The following RAPGEF6 variants were observed in gnomAD, a reference collection of about 807,000 sequenced individuals.
The protein encoded by RAPGEF6 is Rap guanine nucleotide exchange factor 6.
In RAPGEF6, 56 loss-of-function variants were observed where a neutral mutation model predicts 171.4. The ratio of observed to expected loss-of-function variants is 0.33; its 90% confidence interval spans 0.26 to 0.41. The LOEUF (loss-of-function observed/expected upper bound fraction) is 0.41, where lower values mean the gene tolerates loss of function less well. RAPGEF6 is among the 10% of genes least tolerant of loss of function. The pLI is 1.00. For missense variants in RAPGEF6, 1,674 were observed against 1,921.4 expected (o/e 0.87, Z 2.41); for synonymous variants, 692 against 650.1 (o/e 1.06, Z -0.98).
At chr5:131,520,574 G>T (rs1232155963) in intron 7 of RAPGEF6, among the ~76,000 whole-genome samples, 1 of 152,046 alleles carries the variant, frequency 6.6e-6, no homozygotes, top group East Asian at 1.9e-4. Flanking sequence ...TAATATATTT[G>T]AATTCCTTAA....
intron 21 of RAPGEF6, among the ~76,000 whole-genome samples, chr5:131,452,072 T>C (rs976728979): frequency 6.6e-6 from 1 of 152,012 alleles, no homozygotes; most frequent in Non-Finnish European, 1.5e-5. Context: ...TACAAAAAAT[T>C]AGCCGGGCGT....
rs140245839 is a variant in RAPGEF6, at chr5:131,441,742, C to T, written c.3610+607G>A. On this transcript the variant is annotated intron_variant, in intron 23 of 27. Transcript: ENST00000509018. ...AATAACAAATTAAATGAACAAAGTT[C>T]TACTAAACATATACTACATATAATG... Among the ~76,000 whole-genome samples, 8 of 152,182 alleles carry T rather than the reference C, an allele frequency of 5.3e-5. No individual in the cohort carries two copies. In the East Asian group the frequency reaches 1.5e-3, roughly 29 times the overall value.
At chr5:131,528,048 A>G (rs866982408) in intron 6 of RAPGEF6, among the ~76,000 whole-genome samples, 5 of 128,324 alleles carry the variant, frequency 3.9e-5, no homozygotes, top group South Asian at 2.3e-4. Context: ...ATATATAATT[A>G]TATATAATAT....
intron 23 of RAPGEF6, chr5:131,439,958 G>A: frequency 1.6e-6 from 1 of 608,892 alleles, no homozygotes; most frequent in Non-Finnish European, 2.7e-6. Context: ...TCTGCACTTT[G>A]TGGTATAAGG....
intron 6 of RAPGEF6, among the ~76,000 whole-genome samples, chr5:131,527,417 A>C (rs907499095): frequency 1.3e-5 from 2 of 152,238 alleles, no homozygotes; most frequent in African/African-American, 2.4e-5. Context: ...ATAATACAAA[A>C]TGCAGGAAAA....
At chr5:131,574,476 G>C (rs12110164) in intron 4 of RAPGEF6, among the ~76,000 whole-genome samples, 1 of 151,866 alleles carries the variant, frequency 6.6e-6, no homozygotes, top group Admixed American at 6.6e-5. Context: ...TCTTTTCAAG[G>C]GCCTGTTTTC....
chr5:131,584,445 G>C (rs1363207448), intron 4 of RAPGEF6, among the ~76,000 whole-genome samples: 1 of 152,050 alleles, frequency 6.6e-6, no homozygotes, highest in Non-Finnish European at 1.5e-5. Flanking sequence ...CTAACTTTAG[G>C]AAACATTTAT....
chr5:131,470,952 G>C (rs1754696030), intron 17 of RAPGEF6, among the ~76,000 whole-genome samples: 1 of 152,172 alleles, frequency 6.6e-6, no homozygotes, highest in African/African-American at 2.4e-5. Flanking sequence ...AGGGGGTTCA[G>C]GTCAGCAACA....
intron 19 of RAPGEF6, among the ~76,000 whole-genome samples, chr5:131,459,453 C>T (rs1753754123): frequency 6.6e-6 from 1 of 152,064 alleles, no homozygotes; most frequent in African/African-American, 2.4e-5. Context: ...ACAACAAGTG[C>T]CAACACTGGA....
At chr5:131,449,916 G>T in intron 21 of RAPGEF6, 1 of 1,223,830 alleles carries the variant, frequency 8.2e-7, no homozygotes. Context: ...GGCTGACAGG[G>T]TTAATAGAAT....
At chr5:131,556,165 C>G (rs1164499048) in intron 5 of RAPGEF6, among the ~76,000 whole-genome samples, 1 of 152,154 alleles carries the variant, frequency 6.6e-6, no homozygotes, top group Non-Finnish European at 1.5e-5. Flanking sequence ...GTAGGCTGGG[C>G]TCAGTGGCTC....
At chr5:131,449,922 A>G (rs774255709) in intron 21 of RAPGEF6, 19 of 1,275,812 alleles carry the variant, frequency 1.5e-5, no homozygotes, top group Non-Finnish European at 1.6e-5. Context: ...CAGGGTTAAT[A>G]GAATTCATGC....
intron 15 of RAPGEF6, among the ~76,000 whole-genome samples, chr5:131,480,453 T>C (rs780163195): frequency 4.6e-5 from 7 of 152,218 alleles, no homozygotes; most frequent in Non-Finnish European, 8.8e-5. Flanking sequence ...TTTTTACTTT[T>C]ACCAAAAGCA....
intron 4 of RAPGEF6, among the ~76,000 whole-genome samples, chr5:131,590,535 T>C (rs775158031): frequency 4.6e-5 from 7 of 152,244 alleles, no homozygotes; most frequent in Non-Finnish European, 8.8e-5. Context: ...TTATTTGTTA[T>C]AGTAACTCAC....
intron 1 of RAPGEF6, among the ~76,000 whole-genome samples, chr5:131,605,992 T>C (rs958519517): frequency 7.8e-6 from 1 of 128,676 alleles, no homozygotes; most frequent in African/African-American, 3.2e-5. Flanking sequence ...ATTGTGCCAC[T>C]GCACTCTAGC....
At chr5:131,472,408 T>C in intron 17 of RAPGEF6, 179 bp downstream of exon 17, 1 of 764,646 alleles carries the variant, frequency 1.3e-6, no homozygotes, top group East Asian at 2.7e-5. Flanking sequence ...TGTTTCACTT[T>C]AGAGGAAGTA....
intron 5 of RAPGEF6, among the ~76,000 whole-genome samples, chr5:131,550,022 C>T (rs569855916): frequency 6.6e-6 from 1 of 152,276 alleles, no homozygotes; most frequent in African/African-American, 2.4e-5. Flanking sequence ...ACTACTGTAT[C>T]ATATCAACAT....
intron 13 of RAPGEF6, among the ~76,000 whole-genome samples, chr5:131,493,075 ATTT>A (rs1401509009): frequency 6.6e-6 from 1 of 151,660 alleles, no homozygotes; most frequent in Non-Finnish European, 1.5e-5. Context: ...TTATTTATTT[ATTT>A]TTTTGAGACG....
chr5:131,436,847 C>T (rs1050034531), intron 24 of RAPGEF6, among the ~76,000 whole-genome samples: 1 of 152,118 alleles, frequency 6.6e-6, no homozygotes, highest in African/African-American at 2.4e-5. Context: ...TTTTCTGATC[C>T]TGTTGTAGAT....
Sources: gnomAD v4.1 joint callset for allele counts (sites outside exome capture counted in the v4.1 genomes callset) on GRCh38, gnomAD v4.1.1 for gene constraint, MANE v1.5 for transcripts, NCBI Gene and HGNC (gene_info 2026-07-23, HGNC 2026-07-21) for gene names.